IDUA: variants seen among roughly 807,000 people sequenced by gnomAD.
The protein encoded by IDUA is iduronidase alpha-L-.
In IDUA, 65 loss-of-function variants were observed where a neutral mutation model predicts 68.9. The observed-to-expected ratio is 0.94, with a 90% confidence interval of 0.77 to 1.16. The LOEUF is 1.16. Ranked by LOEUF, IDUA falls within the 50% of genes most tolerant of loss-of-function variation. The pLI is 0.00. For missense variants in IDUA, 1,046 were observed against 938.0 expected (o/e 1.12, Z -1.50); for synonymous variants, 529 against 433.6 (o/e 1.22, Z -2.73).
Position 1,001,669 on chromosome 4 carries a change from C to G in IDUA, c.590-10C>G. On this transcript the variant is annotated splice_polypyrimidine_tract_variant and intron_variant, in intron 5 of 13. Transcript: ENST00000514224. ...AGGGCAGGTGTAGACGCAGTGCTCC[C>G]CCGGCCCAGGCTTCCTGAACTACTA... 1.2e-6 allele frequency: 2 copies of G among 1,602,924 alleles called. No homozygotes were observed. Among genetic ancestry groups the G allele is most frequent in the Non-Finnish European group, 1.7e-6 (2 of 1,178,970 alleles).
intron 2 of IDUA, chr4:988,462 A>C: frequency 9.1e-7 from 1 of 1,098,346 alleles, no homozygotes; most frequent in Non-Finnish European, 1.1e-6. Context: ...AGGCCTGGGC[A>C]TAGGGAGTCC....
chr4:987,090 TC>T lies in IDUA; in HGVS notation c.10del (p.Leu4CysfsTer104), dbSNP rs1399691428. 6.8e-7 allele frequency: 1 copy of T among 1,476,950 alleles called. No individual in the cohort carries two copies. Among genetic ancestry groups the T allele is most frequent in the Non-Finnish European group, 8.9e-7 (1 of 1,120,600 alleles). 91.5% of individuals were successfully genotyped at this position (1,476,950 alleles called of 1,614,324 possible). On this transcript the variant is annotated frameshift_variant, in exon 1 of 14. Transcript: ENST00000514224. LOFTEE classifies it high-confidence loss of function. Reference sequence around the variant, plus strand: ...GTCCCCGAGCACGCGTGGCCATGCGTCCCCTGCGCCCCCGCGCCGCGCTGCT... The same window carrying T: ...GTCCCCGAGCACGCGTGGCCATGCGTCCCTGCGCCCCCGCGCCGCGCTGCT... MR[P>X]LRPRAALLAL... is the part of the protein sequence containing the mutation.
intron 2 of IDUA, chr4:999,937 T>A (rs1489521603): frequency 2.3e-5 from 3 of 128,234 alleles, no homozygotes; most frequent in Non-Finnish European, 4.8e-5. Context: ...AGGACGCCTG[T>A]CCCCTCGGAA....
At position 1,000,856 on chromosome 4, in the gene IDUA, G is replaced by A. The variant is rs367972701; in HGVS notation, c.386-26G>A. On this transcript the variant is annotated intron_variant, in intron 3 of 13. Coordinates refer to ENST00000514224, the MANE Select transcript of IDUA (RefSeq NM_000203.5). ...AGCATGGGTGTGGTGTGTGGTGGGC[G>A]GTGGGGCAGCCCTCCTGTGTTCCAG... The A allele has an allele frequency of 4.5e-5, 72 of 1,584,612 alleles. No homozygotes were observed. In the African/African-American group the frequency reaches 6.6e-4, roughly 14 times the overall value.
rs549296859 is a variant in IDUA, at chr4:1,000,767, G to A, written c.385+70G>A. On this transcript the variant is annotated intron_variant, in intron 3 of 13. Transcript: ENST00000514224. ...CCCTGCCCACCCTCTCCCTCACCCA[G>A]CCCCTCTGAGTCCTTGGATGTCCAT... The A allele has an allele frequency of 1.4e-4, 198 of 1,458,274 alleles. 1 individual carries two copies. The South Asian group carries it at 2.1e-3, about 15-fold the overall frequency. The allele number at this position is 1,458,274 out of a possible 1,614,324, so 90.3% of individuals were successfully genotyped here.
At chr4:997,761 C>A (rs1203928407) in intron 2 of IDUA, among the ~76,000 whole-genome samples, 3 of 152,136 alleles carry the variant, frequency 2.0e-5, no homozygotes, top group East Asian at 3.9e-4. Context: ...GGAGGGTGGG[C>A]CCTCGGGCCT....
Position 990,197 on chromosome 4 carries a change from T to G in IDUA, c.299+2248T>G, listed in dbSNP as rs755828368. The G allele has an allele frequency of 1.9e-5, 29 of 1,561,896 alleles. No individual in the cohort carries two copies. Among genetic ancestry groups the G allele is most frequent in the Non-Finnish European group, 2.3e-5 (26 of 1,153,816 alleles). ...GCGCCGCGCAGCAGGCTCAGCCATGTGAGGACCACCATGCCGGGCCCCTGG... is the reference window on the plus strand; with the variant it reads ...GCGCCGCGCAGCAGGCTCAGCCATGGGAGGACCACCATGCCGGGCCCCTGG... On this transcript the variant is annotated intron_variant, in intron 2 of 13. Coordinates refer to ENST00000514224, the MANE Select transcript of IDUA (RefSeq NM_000203.5).
chr4:991,548 G>A, intron 2 of IDUA: 1 of 1,605,994 alleles, frequency 6.2e-7, no homozygotes, highest in Non-Finnish European at 8.5e-7. Flanking sequence ...CGGGGAGCAG[G>A]TCCTGCACCA....
In IDUA at chr4:987,600, G is replaced by A. The variant is rs531641237; in HGVS notation, c.159-209G>A. Reference sequence around the variant, plus strand: ...TGGCAGGGCCAGGGCCAGGGCTGGCGTTGGCCCCTCGTCTTACTGCTGCTG... The same window carrying A: ...TGGCAGGGCCAGGGCCAGGGCTGGCATTGGCCCCTCGTCTTACTGCTGCTG... On this transcript the variant is annotated intron_variant, in intron 1 of 13. Coordinates refer to ENST00000514224, the MANE Select transcript of IDUA (RefSeq NM_000203.5). The A allele has an allele frequency of 2.8e-6, 4 of 1,421,352 alleles. No homozygotes were observed. The South Asian group carries it at 4.4e-5, about 16-fold the overall frequency. The allele number at this position is 1,421,352 out of a possible 1,614,324, so 88.0% of individuals were successfully genotyped here. A position where few individuals can be genotyped will look rare whatever the true frequency, so the allele number is the denominator to read the frequency against.
At chr4:992,345 C>A (rs1269359743) in intron 2 of IDUA, 3 of 387,836 alleles carry the variant, frequency 7.7e-6, no homozygotes, top group Non-Finnish European at 1.6e-5. Flanking sequence ...GTCACCTGCC[C>A]TGTGGGTCCT....
At chr4:987,667 TA>T in intron 1 of IDUA, 141 bp from the exon 2 acceptor site, 1 of 1,484,278 alleles carries the variant, frequency 6.7e-7, no homozygotes, top group Non-Finnish European at 9.0e-7. Flanking sequence ...TTCCTGGCCC[TA>T]AGGGTCATTT....
intron 2 of IDUA, among the ~76,000 whole-genome samples, chr4:996,552 A>G (rs1714753318): frequency 6.6e-6 from 1 of 152,148 alleles, no homozygotes; most frequent in South Asian, 2.1e-4. Flanking sequence ...GTGAGGTTTT[A>G]GGCAGGTGAG....
intron 2 of IDUA, chr4:990,487 C>A: frequency 1.0e-6 from 1 of 956,628 alleles, no homozygotes; most frequent in Non-Finnish European, 1.5e-6. Flanking sequence ...TGTTGCGGCC[C>A]CGTGTGTTCC....
At chr4:994,006 C>T (rs1296436608) in intron 2 of IDUA, among the ~76,000 whole-genome samples, 4 of 152,250 alleles carry the variant, frequency 2.6e-5, no homozygotes, top group African/African-American at 9.6e-5. Flanking sequence ...CCTGGTCACC[C>T]TCACGGCTCC....
In IDUA at chr4:988,949, C is replaced by T. The variant is rs148885765; in HGVS notation, c.299+1000C>T. 87 of 1,596,134 alleles carry T rather than the reference C, an allele frequency of 5.5e-5. 1 individual carries two copies. The South Asian group carries it at 7.3e-4, about 13-fold the overall frequency. Reference sequence around the variant, plus strand: ...TCAGCCGTGTCCCCGGGGCCCTCCCCGAGGAAGCCTCCTCTGCTCAGAATG... The same window carrying T: ...TCAGCCGTGTCCCCGGGGCCCTCCCTGAGGAAGCCTCCTCTGCTCAGAATG... On this transcript the variant is annotated intron_variant, in intron 2 of 13. Transcript: ENST00000514224.
At chr4:994,644 A>C (rs888099611) in intron 2 of IDUA, among the ~76,000 whole-genome samples, 3 of 151,902 alleles carry the variant, frequency 2.0e-5, no homozygotes, top group Non-Finnish European at 4.4e-5. Flanking sequence ...TCACCATGTT[A>C]GCCAGGATGG....
Position 1,003,357 on chromosome 4 carries a change from G to C in IDUA, c.1537G>C (p.Ala513Pro). 6.9e-7 allele frequency: 1 copy of C among 1,457,144 alleles called. No homozygotes were observed. Among genetic ancestry groups the C allele is most frequent in the Non-Finnish European group, 9.0e-7 (1 of 1,114,416 alleles). The allele number at this position is 1,457,144 out of a possible 1,614,324, so 90.3% of individuals were successfully genotyped here. A position where few individuals can be genotyped will look rare whatever the true frequency, so the allele number is the denominator to read the frequency against. The change falls in exon 11 of 14, where the codon GCG becomes CCG. Residue 513 changes from alanine (A) to proline (P), a missense_variant. By Grantham distance (27) the Ala-to-Pro change is conservative. Transcript: ENST00000514224. ...RMRAAEDPVA[A>P]APRPLPAGGR... Reference sequence around the variant, plus strand: ...CCACTGCGCCCAGGACCCGGTGGCCGCGGCGCCCCGCCCCTTACCCGCCGG... The same window carrying C: ...CCACTGCGCCCAGGACCCGGTGGCCCCGGCGCCCCGCCCCTTACCCGCCGG...
At chr4:999,067 T>C (rs548848665) in intron 2 of IDUA, among the ~76,000 whole-genome samples, 14 of 151,866 alleles carry the variant, frequency 9.2e-5, no homozygotes, top group South Asian at 4.2e-4. Flanking sequence ...TAGCCGGGCG[T>C]GGTGGCGGGC....
chr4:989,216 C>T (rs957225728), intron 2 of IDUA: 1 of 1,610,364 alleles, frequency 6.2e-7, no homozygotes, highest in Non-Finnish European at 8.5e-7. Context: ...GAGCCCCCCT[C>T]CTTCCTCCTG....
Sources: gnomAD v4.1 joint callset for allele counts (sites outside exome capture counted in the v4.1 genomes callset) on GRCh38, gnomAD v4.1.1 for gene constraint, MANE v1.5 for transcripts, NCBI Gene and HGNC (gene_info 2026-07-23, HGNC 2026-07-21) for gene names.